DLGAP1: variants seen among roughly 807,000 people sequenced by gnomAD.
The protein encoded by DLGAP1 is DLG associated protein 1.
A neutral mutation model predicts 90.8 loss-of-function variants in DLGAP1; 11 were observed. That is an observed-to-expected ratio of 0.12 (90% CI 0.08 to 0.20). The LOEUF is 0.20. DLGAP1 is among the 10% of genes least tolerant of loss of function. DLGAP1 has a pLI of 1.00. For missense variants in DLGAP1, 1,050 were observed against 1,333.8 expected (o/e 0.79, Z 3.31); for synonymous variants, 558 against 540.7 (o/e 1.03, Z -0.44).
intron 1 of DLGAP1, among the ~76,000 whole-genome samples, chr18:4,314,286 C>T (rs1368700972): frequency 6.6e-6 from 1 of 152,112 alleles, no homozygotes; most frequent in Non-Finnish European, 1.5e-5. Flanking sequence ...TTCTTAATGC[C>T]CCATGATCTG....
intron 7 of DLGAP1, among the ~76,000 whole-genome samples, chr18:3,662,581 T>C (rs1019261010): frequency 6.6e-6 from 1 of 151,154 alleles, no homozygotes; most frequent in Non-Finnish European, 1.5e-5. Context: ...GCCCCCAGAC[T>C]TTTATGGGTG....
At position 4,226,056 on chromosome 18, in the gene DLGAP1, C is replaced by G. The variant is rs560078064; in HGVS notation, c.-266-74769G>C. ...TCCTAAAAGCAGCAAGAGAAAGGAA[C>G]CAAATAACATACAATGAAACTCCGA... On this transcript the variant is annotated intron_variant, in intron 1 of 12. Transcript: ENST00000315677. 3.3e-5 allele frequency among the ~76,000 whole-genome samples: 5 copies of G among 152,136 alleles called. 1 individual carries two copies. The South Asian group carries it at 8.3e-4, about 25-fold the overall frequency.
chr18:4,255,154 T>C (rs2078862934), intron 1 of DLGAP1, among the ~76,000 whole-genome samples: 1 of 152,192 alleles, frequency 6.6e-6, no homozygotes, highest in Non-Finnish European at 1.5e-5. Flanking sequence ...TGATGCATTA[T>C]GGAAAAGAGC....
chr18:4,337,097 G>C (rs943346260), intron 1 of DLGAP1, among the ~76,000 whole-genome samples: 1 of 145,650 alleles, frequency 6.9e-6, no homozygotes, highest in African/African-American at 2.5e-5. Flanking sequence ...CTGGGCGACA[G>C]AGTGAGACTC....
chr18:4,373,434 C>T (rs545083303), intron 1 of DLGAP1, among the ~76,000 whole-genome samples: 9 of 152,234 alleles, frequency 5.9e-5, no homozygotes, highest in South Asian at 4.1e-4. Context: ...CCTAGGATTC[C>T]AGCGTGGAGG....
chr18:3,785,264 C>T (rs920667493), intron 5 of DLGAP1, among the ~76,000 whole-genome samples: 2 of 152,202 alleles, frequency 1.3e-5, no homozygotes, highest in African/African-American at 4.8e-5. Context: ...TTAAGGGCTG[C>T]AGTCAAGGTC....
In DLGAP1 at chr18:3,499,674, G is replaced by A. The variant is rs1343442110; in HGVS notation, c.2725-280C>T. Among the ~76,000 whole-genome samples the A allele has an allele frequency of 6.6e-6, 1 of 152,080 alleles. No homozygotes were observed. Among genetic ancestry groups the A allele is most frequent in the Non-Finnish European group, 1.5e-5 (1 of 68,022 alleles). On this transcript the variant is annotated intron_variant, in intron 12 of 12. Transcript: ENST00000315677. This position sits in a 1 kb window ranked among gnomAD's most constrained non-coding sequence, Gnocchi z 6.4. ...AGTGGGTATTTTAAAGGCCCCCTGC[G>A]GAAAGCCTGCGGCTCCCAGCACATT...
intron 7 of DLGAP1, among the ~76,000 whole-genome samples, chr18:3,610,098 ATC>A (rs2057532346): frequency 6.6e-6 from 1 of 151,756 alleles, no homozygotes; most frequent in African/African-American, 2.4e-5. Context: ...ATAAAAATTC[ATC>A]TCATCGCTGT....
intron 1 of DLGAP1, among the ~76,000 whole-genome samples, chr18:4,283,457 A>C (rs1305963745): frequency 6.6e-6 from 1 of 152,218 alleles, no homozygotes; most frequent in East Asian, 1.9e-4. Flanking sequence ...AGTTACCACC[A>C]ATGGGTAAAG....
chr18:3,648,631 A>C (rs962759667), intron 7 of DLGAP1, among the ~76,000 whole-genome samples: 14 of 152,250 alleles, frequency 9.2e-5, no homozygotes, highest in African/African-American at 3.4e-4. Context: ...TTGGCTTCAA[A>C]GACTGCTAAT....
intron 1 of DLGAP1, among the ~76,000 whole-genome samples, chr18:4,261,467 C>G (rs2079001138): frequency 1.3e-5 from 2 of 152,186 alleles, no homozygotes; most frequent in South Asian, 4.2e-4. Flanking sequence ...CCTTGAAGTG[C>G]CCTTTTACCT....
intron 2 of DLGAP1, among the ~76,000 whole-genome samples, chr18:4,138,154 G>A (rs1440967629): frequency 1.3e-5 from 2 of 151,954 alleles, no homozygotes; most frequent in African/African-American, 4.8e-5. Context: ...GTTGAATAAC[G>A]GTGGTGAAAA....
chr18:3,510,338 T>C (rs2050471086), intron 10 of DLGAP1, among the ~76,000 whole-genome samples: 1 of 152,268 alleles, frequency 6.6e-6, no homozygotes, highest in African/African-American at 2.4e-5. Flanking sequence ...TTACAGTAAG[T>C]ACTTAATAAT....
chr18:3,549,268 T>G (rs1644769320), intron 9 of DLGAP1, among the ~76,000 whole-genome samples: 1 of 152,080 alleles, frequency 6.6e-6, no homozygotes, highest in Admixed American at 6.6e-5. Context: ...GTGTCTGTCC[T>G]TAGGAATGCT....
chr18:4,446,757 CAACT>C (rs753694829), intron 1 of DLGAP1, among the ~76,000 whole-genome samples: 24 of 152,174 alleles, frequency 1.6e-4, no homozygotes, highest in Non-Finnish European at 2.9e-4. Context: ...GACAAGCCAC[CAACT>C]GAGTGGAGAT....
At chr18:4,177,362 ACACACAC>A (rs2077127016) in intron 1 of DLGAP1, among the ~76,000 whole-genome samples, 1 of 94,488 alleles carries the variant, frequency 1.1e-5, no homozygotes, top group East Asian at 3.0e-4. Context: ...ACACACACAC[ACACACAC>A]ACACACACAC....
chr18:3,990,494 G>A (rs1276523093), intron 3 of DLGAP1, among the ~76,000 whole-genome samples: 2 of 124,734 alleles, frequency 1.6e-5, no homozygotes, highest in South Asian at 3.1e-4. Flanking sequence ...TGGGGTGGGG[G>A]AGGGGGGAGG....
intron 4 of DLGAP1, among the ~76,000 whole-genome samples, chr18:3,842,271 G>C (rs1046403511): frequency 6.6e-6 from 1 of 152,054 alleles, no homozygotes; most frequent in East Asian, 1.9e-4. Context: ...GGGAGTGTTA[G>C]GAAATGAGAT....
chr18:3,742,249 T>C, intron 6 of DLGAP1, 86 bp downstream of exon 6: 1 of 1,488,938 alleles, frequency 6.7e-7, no homozygotes, highest in Non-Finnish European at 9.1e-7. Flanking sequence ...GATGAATGAC[T>C]GCCTCCCCAC....
Sources: allele counts gnomAD v4.1 joint callset (sites outside exome capture counted in the v4.1 genomes callset), GRCh38; gene constraint gnomAD v4.1.1; non-coding constraint Gnocchi (gnomAD v3.1); transcripts MANE v1.5; gene names NCBI Gene and HGNC (gene_info 2026-07-23, HGNC 2026-07-21).